The following KATNIP variants were observed in gnomAD, a reference collection of about 807,000 sequenced individuals.
The protein encoded by KATNIP is katanin interacting protein, also known as katanin-interacting protein.
Under a neutral mutation model 174.0 loss-of-function variants are expected in KATNIP, and 126 were observed. The observed-to-expected ratio is 0.72, with a 90% CI of 0.63 to 0.84. KATNIP has a LOEUF of 0.84. KATNIP is among the 40% of genes least tolerant of loss of function. The probability of loss-of-function intolerance (pLI) is 0.00; values close to 1 mark genes in which losing one functional copy is unlikely to be tolerated. For synonymous variants in KATNIP, 810 were observed against 835.7 expected (o/e 0.97, Z 0.53); for missense variants, 1,958 against 2,109.7 (o/e 0.93, Z 1.41).
intron 3 of KATNIP, among the ~76,000 whole-genome samples, chr16:27,625,500 T>A (rs2076307170): frequency 6.6e-6 from 1 of 152,246 alleles, no homozygotes; most frequent in Non-Finnish European, 1.5e-5. Context: ...CTTGCAAGCG[T>A]AGCTATTGCT....
At position 27,777,731 on chromosome 16, in the gene KATNIP, A is replaced by T; in HGVS notation, c.4673A>T (p.Asp1558Val). ...TACCACACCATCCTCTTCACCGAGG[A>T]CAGGGACATCCGCCACCAGGAGAAA... ...VPYHTILFTE[D>V]RDIRHQEKHT... The change falls in exon 26 of 28, where the codon GAC (aspartate) becomes GTC (valine). Residue 1558 changes from aspartate to valine, a missense_variant. By Grantham distance (152) the Asp-to-Val change is radical. Transcript: ENST00000261588. The surrounding 1 kb of genome is among the most constrained non-coding windows in gnomAD (Gnocchi z 4.4). 6.2e-7 allele frequency: 1 copy of T among 1,614,040 alleles called. No individual in the cohort carries two copies. Among genetic ancestry groups the T allele is most frequent in the Non-Finnish European group, 8.5e-7 (1 of 1,179,968 alleles).
At position 27,754,307 on chromosome 16, in the gene KATNIP, G is replaced by A. The variant is rs546262808; in HGVS notation, c.3631+56G>A. On this transcript the variant is annotated intron_variant, in intron 18 of 27. Transcript: ENST00000261588. ...GGAAGGAGGACCTTCCAGGGACAGGGGGAGTTGTGGCCACTTGGGACAGGG... is the reference window on the plus strand; with the variant it reads ...GGAAGGAGGACCTTCCAGGGACAGGAGGAGTTGTGGCCACTTGGGACAGGG... The A allele has an allele frequency of 1.4e-5, 21 of 1,466,946 alleles. No individual in the cohort carries two copies. In the East Asian group the frequency reaches 4.8e-4, roughly 33 times the overall value. 90.9% of individuals were successfully genotyped at this position (1,466,946 alleles called of 1,614,324 possible).
intron 7 of KATNIP, among the ~76,000 whole-genome samples, chr16:27,678,696 G>C (rs1394987416): frequency 2.0e-5 from 3 of 152,162 alleles, no homozygotes; most frequent in Non-Finnish European, 4.4e-5. Context: ...GGCTCTGATG[G>C]GCCAGGTCCA....
chr16:27,764,433 G>A (rs892146225), intron 19 of KATNIP, among the ~76,000 whole-genome samples: 4 of 152,116 alleles, frequency 2.6e-5, no homozygotes, highest in Non-Finnish European at 4.4e-5. Flanking sequence ...CCTTTTAAAC[G>A]GTCACCTTTC....
chr16:27,581,689 A>G (rs2090703794), intron 2 of KATNIP, among the ~76,000 whole-genome samples: 1 of 152,106 alleles, frequency 6.6e-6, no homozygotes, highest in Non-Finnish European at 1.5e-5. Context: ...TGCACCCATC[A>G]CCCAAGCAGT....
At chr16:27,617,628 A>T (rs372139668) in intron 2 of KATNIP, among the ~76,000 whole-genome samples, 1 of 152,214 alleles carries the variant, frequency 6.6e-6, no homozygotes, top group South Asian at 2.1e-4. Context: ...ACACAGAACC[A>T]CAGATGTCCA....
chr16:27,633,917 G>C (rs544586972), intron 5 of KATNIP, among the ~76,000 whole-genome samples: 48 of 152,338 alleles, frequency 3.2e-4, no homozygotes, highest in African/African-American at 1.1e-3. Flanking sequence ...CTGGGGAAGG[G>C]TGTCCCTGCC....
intron 18 of KATNIP, among the ~76,000 whole-genome samples, chr16:27,760,975 G>C (rs1298032219): frequency 6.6e-6 from 1 of 152,188 alleles, no homozygotes; most frequent in South Asian, 2.1e-4. Flanking sequence ...AGGCCCTGTG[G>C]TTGGAGAGAG....
intron 2 of KATNIP, among the ~76,000 whole-genome samples, chr16:27,615,020 T>G (rs1370898264): frequency 6.6e-6 from 1 of 152,154 alleles, no homozygotes; most frequent in Non-Finnish European, 1.5e-5. Flanking sequence ...ACACTGACCT[T>G]CCACAATTGA....
intron 2 of KATNIP, among the ~76,000 whole-genome samples, chr16:27,593,350 T>G (rs2075242952): frequency 6.6e-6 from 1 of 151,420 alleles, no homozygotes; most frequent in African/African-American, 2.4e-5. Context: ...GCAACTCTTC[T>G]GCTTCAGCCT....
chr16:27,612,191 T>G (rs902675574), intron 2 of KATNIP, among the ~76,000 whole-genome samples: 1 of 152,178 alleles, frequency 6.6e-6, no homozygotes, highest in Non-Finnish European at 1.5e-5. Flanking sequence ...CCACTGTTAC[T>G]GCATCCAGTT....
chr16:27,737,713 T>A (rs1196531066), intron 14 of KATNIP, among the ~76,000 whole-genome samples: 3 of 151,832 alleles, frequency 2.0e-5, no homozygotes, highest in Admixed American at 6.6e-5. Flanking sequence ...AGGAAAGTCA[T>A]CGCAAAGGAG....
chr16:27,550,197 T>C lies in KATNIP; in HGVS notation c.7+20T>C, dbSNP rs1483784271. ...TGGACGGTGAGTGTCTGTGGGCCCC[T>C]CCGGGAGGTCGGGCTGTTATTCTCC... is the stretch of plus-strand genomic sequence containing the variant. On this transcript the variant is annotated intron_variant, in intron 1 of 27. Coordinates refer to ENST00000261588, the MANE Select transcript of KATNIP (RefSeq NM_015202.5). 1 of 1,606,864 alleles carries C rather than the reference T, an allele frequency of 6.2e-7. No homozygotes were observed. Among genetic ancestry groups the C allele is most frequent in the Non-Finnish European group, 8.5e-7 (1 of 1,174,980 alleles).
At chr16:27,663,415 CATTT>C (rs965168580) in intron 6 of KATNIP, among the ~76,000 whole-genome samples, 27 of 151,046 alleles carry the variant, frequency 1.8e-4, no homozygotes, top group African/African-American at 4.4e-4. Flanking sequence ...CTTTCATTGT[CATTT>C]ATTTATTTAT....
chr16:27,593,236 AC>A (rs2075238811), intron 2 of KATNIP, among the ~76,000 whole-genome samples: 1 of 40,148 alleles, frequency 2.5e-5, no homozygotes, highest in Non-Finnish European at 4.6e-5. Context: ...CCCACCCCCC[AC>A]CCTTTTTTTT....
chr16:27,640,070 G>A (rs528438352), intron 5 of KATNIP, among the ~76,000 whole-genome samples: 1 of 152,282 alleles, frequency 6.6e-6, no homozygotes, highest in African/African-American at 2.4e-5. Context: ...AACAGTTTGC[G>A]AAGAGGGGTG....
At chr16:27,759,789 A>C (rs1007351710) in intron 18 of KATNIP, among the ~76,000 whole-genome samples, 5 of 152,198 alleles carry the variant, frequency 3.3e-5, no homozygotes, top group Non-Finnish European at 5.9e-5. Flanking sequence ...CAGAGTCAGG[A>C]GCAGAGAAGG....
intron 2 of KATNIP, among the ~76,000 whole-genome samples, chr16:27,574,715 C>T (rs570812988): frequency 1.3e-4 from 20 of 151,998 alleles, no homozygotes; most frequent in Non-Finnish European, 2.8e-4. Flanking sequence ...CAGGCGCCTG[C>T]CACCAAGCCC....
At chr16:27,634,258 A>T (rs1307931534) in intron 5 of KATNIP, among the ~76,000 whole-genome samples, 4 of 152,148 alleles carry the variant, frequency 2.6e-5, no homozygotes, top group Non-Finnish European at 5.9e-5. Context: ...GAGGGCTGTA[A>T]TTGTCCTTCT....
Sources: allele counts gnomAD v4.1 joint callset (sites outside exome capture counted in the v4.1 genomes callset), GRCh38; gene constraint gnomAD v4.1.1; non-coding constraint Gnocchi (gnomAD v3.1); transcripts MANE v1.5; gene names NCBI Gene and HGNC (gene_info 2026-07-23, HGNC 2026-07-21).